Variants in CEP170 observed in about 807,000 individuals in gnomAD.
The protein encoded by CEP170 is centrosomal protein of 170 kDa.
Under a neutral mutation model 151.9 loss-of-function variants are expected in CEP170, and 21 were observed. The observed-to-expected ratio is 0.14, with a 90% CI of 0.10 to 0.20. The LOEUF (loss-of-function observed/expected upper bound fraction) is 0.20. Ranked by LOEUF, CEP170 falls within the 10% of genes least tolerant of loss-of-function variation. The pLI, the probability that CEP170 is intolerant of heterozygous loss-of-function variation, is 1.00. For synonymous variants in CEP170, 356 were observed against 648.8 expected (o/e 0.55, Z 6.86); for missense variants, 964 against 1,892.9 (o/e 0.51, Z 9.11).
At chr1:243,220,630 T>C (rs1391686228) in intron 3 of CEP170, among the ~76,000 whole-genome samples, 1 of 152,234 alleles carries the variant, frequency 6.6e-6, no homozygotes, top group Non-Finnish European at 1.5e-5. Flanking sequence ...TTGAAAAGCA[T>C]GAATAGTCTG....
chr1:243,136,214 C>T lies in CEP170; in HGVS notation c.4248G>A (p.Leu1416=). Residue 1416 remains leucine, a synonymous_variant, in exon 17 of 20, where the codon CTG becomes CTA. Coordinates refer to ENST00000366542, the MANE Select transcript of CEP170 (RefSeq NM_014812.3). The part of the protein sequence containing the change: ...WSRDEVMGDN[L]LLSSVFQFSK... ...AGAACTGAAAGACGGATGACAGCAGCAGATTATCTCCCATGACCTGAAACA... is the reference window on the plus strand; with the variant it reads ...AGAACTGAAAGACGGATGACAGCAGTAGATTATCTCCCATGACCTGAAACA... 1 of 1,538,926 alleles carries T rather than the reference C, an allele frequency of 6.5e-7. No homozygotes were observed. Among genetic ancestry groups the T allele is most frequent in the Admixed American group, 2.0e-5 (1 of 48,818 alleles).
chr1:243,128,866 C>T (rs1180299261), intron 18 of CEP170: 1 of 152,758 alleles, frequency 6.5e-6, no homozygotes, highest in Non-Finnish European at 1.5e-5. Flanking sequence ...AGTACCCGGC[C>T]GCAAAGATTT....
intron 13 of CEP170, among the ~76,000 whole-genome samples, chr1:243,159,206 G>C (rs2057835032): frequency 6.6e-6 from 1 of 152,134 alleles, no homozygotes; most frequent in African/African-American, 2.4e-5. Flanking sequence ...ATAAAAATGT[G>C]ATTAAAAATC....
At chr1:243,133,784 TA>T (rs1223036474) in intron 17 of CEP170, among the ~76,000 whole-genome samples, 1 of 152,158 alleles carries the variant, frequency 6.6e-6, no homozygotes, top group Non-Finnish European at 1.5e-5. Flanking sequence ...ATGGAGTCAC[TA>T]GGGGAAAACA....
In CEP170 at chr1:243,166,120, T is replaced by A; in HGVS notation, c.1844-4A>T. The A allele has an allele frequency of 1.2e-6, 2 of 1,612,444 alleles. No homozygotes were observed. The highest frequency in any genetic ancestry group is 1.7e-4 in the Middle Eastern group (1 of 6,050). ...CCAGACTCACTGATCTCTGTCTCTATGAAATAAAAACCACAAAGAAGGAAT... is the reference window on the plus strand; with the variant it reads ...CCAGACTCACTGATCTCTGTCTCTAAGAAATAAAAACCACAAAGAAGGAAT... On this transcript the variant is annotated splice_polypyrimidine_tract_variant and splice_region_variant and intron_variant, in intron 12 of 19. Transcript: ENST00000366542.
chr1:243,142,204 T>A, intron 15 of CEP170, 112 bp downstream of exon 15: 1 of 1,572,858 alleles, frequency 6.4e-7, no homozygotes, highest in East Asian at 2.3e-5. Flanking sequence ...ATGCAGAGCT[T>A]CATGCAAACA....
chr1:243,165,649 C>A lies in CEP170; in HGVS notation c.2311G>T (p.Gly771Cys). The A allele has an allele frequency of 1.2e-6, 2 of 1,614,042 alleles. No individual in the cohort carries two copies. The highest frequency in any genetic ancestry group is 1.7e-6 in the Non-Finnish European group (2 of 1,179,900). The change falls in exon 13 of 20, where the codon GGT becomes TGT. Residue 771 changes from glycine (G) to cysteine (C), a missense_variant. By Grantham distance (159) the Gly-to-Cys change is radical (BLOSUM62 -3). Coordinates refer to ENST00000366542, the MANE Select transcript of CEP170 (RefSeq NM_014812.3). ...TCCTCCCTACATTTATCTGTCTGAC[C>A]TGAAACATTTTTGGAAGACAATTTA... ...PTKLSSKNVS[G>C]QTDKCREETF...
At chr1:243,250,260 C>CATA in intron 1 of CEP170, among the ~76,000 whole-genome samples, 1 of 152,212 alleles carries the variant, frequency 6.6e-6, no homozygotes, top group East Asian at 1.9e-4. Context: ...AGGATGGAGA[C>CATA]ATAAGAGTTT....
At chr1:243,254,187 AAAATAAATAAATAAAT>A (rs139268057) in intron 1 of CEP170, among the ~76,000 whole-genome samples, 3 of 148,676 alleles carry the variant, frequency 2.0e-5, no homozygotes, top group Admixed American at 6.7e-5. Context: ...TACATTCCTC[AAAATAAATAAATAAAT>A]AAATAAATAA....
intron 1 of CEP170, among the ~76,000 whole-genome samples, chr1:243,226,520 C>A (rs2063315105): frequency 6.6e-6 from 1 of 152,028 alleles, no homozygotes; most frequent in South Asian, 2.1e-4. Context: ...TGGCTTCATA[C>A]ACATAAACAG....
intron 1 of CEP170, among the ~76,000 whole-genome samples, chr1:243,251,964 T>C (rs1261239242): frequency 6.6e-6 from 1 of 152,164 alleles, no homozygotes; most frequent in African/African-American, 2.4e-5. Context: ...CAGACAGATG[T>C]TTTTTATCTC....
intron 13 of CEP170, among the ~76,000 whole-genome samples, chr1:243,160,527 A>G (rs1257492286): frequency 1.3e-5 from 2 of 152,222 alleles, no homozygotes; most frequent in African/African-American, 4.8e-5. Flanking sequence ...TAAAAAGGAA[A>G]AAAAGAGTTG....
At chr1:243,169,510 T>C in intron 12 of CEP170, 118 bp downstream of exon 12, 1 of 1,489,728 alleles carries the variant, frequency 6.7e-7, no homozygotes, top group Non-Finnish European at 9.0e-7. Flanking sequence ...TTGGCTTGTT[T>C]TTTATAATAA....
At chr1:243,178,360 C>T (rs182885488) in intron 10 of CEP170, among the ~76,000 whole-genome samples, 1 of 127,790 alleles carries the variant, frequency 7.8e-6, no homozygotes, top group East Asian at 2.5e-4. Context: ...ATACAGGTTA[C>T]AACACATGTG....
chr1:243,189,534 T>C (rs1210807498), intron 8 of CEP170, among the ~76,000 whole-genome samples: 31 of 137,676 alleles, frequency 2.3e-4, no homozygotes, highest in Non-Finnish European at 3.3e-4. Context: ...CCAGCCTGAG[T>C]GACAAAGCGA....
chr1:243,180,978 G>C (rs1255634590), intron 10 of CEP170, among the ~76,000 whole-genome samples: 1 of 152,204 alleles, frequency 6.6e-6, no homozygotes, highest in Non-Finnish European at 1.5e-5. Flanking sequence ...GGCAGAGTTG[G>C]TCTATGGTAT....
chr1:243,166,319 A>G (rs2058439606), intron 12 of CEP170, among the ~76,000 whole-genome samples: 1 of 152,208 alleles, frequency 6.6e-6, no homozygotes. Flanking sequence ...ACCCTCCCAT[A>G]TACTTTAAAT....
chr1:243,230,653 G>A (rs1396480471), intron 1 of CEP170, among the ~76,000 whole-genome samples: 1 of 152,186 alleles, frequency 6.6e-6, no homozygotes, highest in Non-Finnish European at 1.5e-5. Context: ...ATATGAGGAG[G>A]AGTTAGAAAG....
At chr1:243,197,280 T>C (rs2060721238) in intron 7 of CEP170, among the ~76,000 whole-genome samples, 1 of 152,092 alleles carries the variant, frequency 6.6e-6, no homozygotes, top group African/African-American at 2.4e-5. Flanking sequence ...TCCTTGGTTT[T>C]CTTTCAATAT....
Sources: allele counts gnomAD v4.1 joint callset (sites outside exome capture counted in the v4.1 genomes callset), GRCh38; gene constraint gnomAD v4.1.1; transcripts MANE v1.5; gene names NCBI Gene and HGNC (gene_info 2026-07-23, HGNC 2026-07-21).